RYR2: variants seen among roughly 807,000 people sequenced by gnomAD.
RYR2 encodes the protein ryanodine receptor 2.
In RYR2, 227 loss-of-function variants were observed where a neutral mutation model predicts 601.1. That is an observed-to-expected ratio of 0.38 (90% CI 0.34 to 0.42). RYR2 has a LOEUF of 0.42. Ranked by LOEUF, RYR2 falls within the 10% of genes least tolerant of loss-of-function variation. The probability of loss-of-function intolerance (pLI) is 1.00; values close to 1 mark genes in which losing one functional copy is unlikely to be tolerated. For synonymous variants in RYR2, 2,223 were observed against 2,175.1 expected, an observed-to-expected ratio of 1.02 and a Z score of -0.61; for missense variants, 4,646 against 6,156.5, an observed-to-expected ratio of 0.75 and a Z score of 8.21.
At chr1:237,682,317 G>A (rs556544224) in intron 62 of RYR2, among the ~76,000 whole-genome samples, 4 of 152,190 alleles carry the variant, frequency 2.6e-5, no homozygotes, top group African/African-American at 9.6e-5. Flanking sequence ...TTTTGTGCTA[G>A]CCTCAGTTGA....
chr1:237,693,692 T>G (rs184899891), intron 63 of RYR2, among the ~76,000 whole-genome samples: 2 of 152,286 alleles, frequency 1.3e-5, no homozygotes, highest in East Asian at 3.9e-4. Flanking sequence ...AAATATTCAG[T>G]TTTTTTCTAG....
intron 1 of RYR2, among the ~76,000 whole-genome samples, chr1:237,059,600 T>A (rs1662600565): frequency 6.6e-6 from 1 of 152,174 alleles, no homozygotes; most frequent in Non-Finnish European, 1.5e-5. Context: ...ACTGAAATAC[T>A]GAGAGTATAA....
chr1:237,480,631 A>G (rs8179365), intron 17 of RYR2, among the ~76,000 whole-genome samples: 11,371 of 152,152 alleles, frequency 0.075, 556 homozygotes, highest in African/African-American at 0.13. Context: ...TGAAGGCAGC[A>G]AACCATCAGG....
chr1:237,526,811 GC>G (rs1298440813), intron 24 of RYR2, among the ~76,000 whole-genome samples: 1 of 152,110 alleles, frequency 6.6e-6, no homozygotes, highest in Non-Finnish European at 1.5e-5. Context: ...CTGTGCAGAT[GC>G]TTTTTAGTTT....
At chr1:237,356,059 T>A in intron 4 of RYR2, 74 bp downstream of exon 4, 1 of 1,382,864 alleles carries the variant, frequency 7.2e-7, no homozygotes, top group South Asian at 1.2e-5. Flanking sequence ...TAATCTTTCA[T>A]TTTGCTTCCT....
intron 1 of RYR2, among the ~76,000 whole-genome samples, chr1:237,218,322 A>G (rs1347382595): frequency 6.6e-6 from 1 of 152,138 alleles, no homozygotes; most frequent in East Asian, 1.9e-4. Context: ...TTGTAGATGG[A>G]TTGAGGAATA....
intron 44 of RYR2, 134 bp downstream of exon 44, chr1:237,635,126 AT>A: frequency 1.7e-6 from 1 of 599,188 alleles, no homozygotes; most frequent in South Asian, 3.0e-5. Context: ...CAAAACCGCA[AT>A]TAATTTTGCA....
chr1:237,339,954 A>T (rs555715750), intron 3 of RYR2, among the ~76,000 whole-genome samples: 1 of 152,180 alleles, frequency 6.6e-6, no homozygotes, highest in Admixed American at 6.6e-5. Flanking sequence ...GGCCAGCACA[A>T]CTGGCTCCGA....
intron 8 of RYR2, among the ~76,000 whole-genome samples, chr1:237,380,173 T>G (rs1701340838): frequency 6.6e-6 from 1 of 151,106 alleles, no homozygotes; most frequent in Admixed American, 6.6e-5. Context: ...TACTATGGTG[T>G]GGATTCAAAG....
rs1043411973 is a variant in RYR2 at position 237,594,558 on chromosome 1, G to C, written c.4436+922G>C. 4.6e-5 allele frequency among the ~76,000 whole-genome samples: 7 copies of C among 152,146 alleles called. No homozygotes were observed. In the East Asian group the frequency reaches 1.3e-3, roughly 29 times the overall value. On this transcript the variant is annotated intron_variant, in intron 33 of 104. Transcript: ENST00000366574. ...CAGGGATGGCAACAGTATAAGTAAA[G>C]AACTCAATATAGGGATGGGATAACT...
intron 12 of RYR2, among the ~76,000 whole-genome samples, chr1:237,435,167 C>T (rs1276467651): frequency 1.3e-5 from 2 of 152,186 alleles, no homozygotes; most frequent in Non-Finnish European, 2.9e-5. Context: ...TTAAAATGTA[C>T]ACTTTCACAC....
chr1:237,467,527 G>T (rs899104032), intron 16 of RYR2, among the ~76,000 whole-genome samples: 11 of 152,062 alleles, frequency 7.2e-5, no homozygotes, highest in Non-Finnish European at 1.5e-4. Flanking sequence ...GCTCTTAAGG[G>T]AGGCTGCTGG....
intron 6 of RYR2, among the ~76,000 whole-genome samples, chr1:237,372,623 T>C (rs1004329879): frequency 6.6e-6 from 1 of 152,202 alleles, no homozygotes; most frequent in Non-Finnish European, 1.5e-5. Context: ...TGAAAACAAT[T>C]CCACATTCTA....
At chr1:237,130,021 G>A (rs142913848) in intron 1 of RYR2, among the ~76,000 whole-genome samples, 1 of 152,132 alleles carries the variant, frequency 6.6e-6, no homozygotes, top group Non-Finnish European at 1.5e-5. Context: ...TTGTGAATAA[G>A]TTCTGGAGAT....
rs535026137 is a variant in RYR2 at position 237,289,771 on chromosome 1, C to G, written c.168+19155C>G. On this transcript the variant is annotated intron_variant, in intron 2 of 104. Transcript: ENST00000366574. Reference sequence around the variant, plus strand: ...CATGCTTATACATAATTAAAAAATTCAGATACTTTACAGAAAAATCATTAA... The same window carrying G: ...CATGCTTATACATAATTAAAAAATTGAGATACTTTACAGAAAAATCATTAA... 3.3e-5 allele frequency among the ~76,000 whole-genome samples: 5 copies of G among 152,244 alleles called. No individual in the cohort carries two copies. In the South Asian group the frequency reaches 1.0e-3, roughly 32 times the overall value.
chr1:237,210,495 A>G (rs1193625751), intron 1 of RYR2, among the ~76,000 whole-genome samples: 1 of 152,158 alleles, frequency 6.6e-6, no homozygotes, highest in Non-Finnish European at 1.5e-5. Flanking sequence ...TCTCTCATGC[A>G]TGGCTCTGGG....
At chr1:237,791,684 T>A (rs898780840) in intron 93 of RYR2, among the ~76,000 whole-genome samples, 169 bp downstream of exon 93, 1 of 152,194 alleles carries the variant, frequency 6.6e-6, no homozygotes, top group Non-Finnish European at 1.5e-5. Flanking sequence ...GCAAGATAGA[T>A]TTGTTCCTGA....
chr1:237,277,678 G>A (rs1258559045), intron 2 of RYR2, among the ~76,000 whole-genome samples: 1 of 152,056 alleles, frequency 6.6e-6, no homozygotes, highest in Non-Finnish European at 1.5e-5. Flanking sequence ...AAATTAGCTG[G>A]GTCTGGTGGC....
intron 73 of RYR2, among the ~76,000 whole-genome samples, chr1:237,720,050 G>T (rs1248324734): frequency 6.6e-6 from 1 of 152,204 alleles, no homozygotes; most frequent in Non-Finnish European, 1.5e-5. Flanking sequence ...GTGGGTGAAA[G>T]AATTGTTAGA....
Sources: allele counts gnomAD v4.1 joint callset (sites outside exome capture counted in the v4.1 genomes callset), GRCh38; gene constraint gnomAD v4.1.1; transcripts MANE v1.5; gene names NCBI Gene and HGNC (gene_info 2026-07-23, HGNC 2026-07-21).